MCM3AP: variants seen among roughly 807,000 people sequenced by gnomAD.
The protein encoded by MCM3AP is germinal-center associated nuclear protein.
Under a neutral mutation model 184.1 loss-of-function variants are expected in MCM3AP, and 126 were observed. The ratio of observed to expected loss-of-function variants is 0.68; its 90% confidence interval spans 0.59 to 0.79. The LOEUF (loss-of-function observed/expected upper bound fraction) is 0.79. Ranked by LOEUF, MCM3AP falls within the 30% of genes least tolerant of loss-of-function variation. MCM3AP has a pLI of 0.00. For synonymous variants in MCM3AP, 1,002 were observed against 979.3 expected, an observed-to-expected ratio of 1.02 and a Z score of -0.43; for missense variants, 2,496 against 2,479.2, an observed-to-expected ratio of 1.01 and a Z score of -0.14.
chr21:46,246,404 C>A lies in MCM3AP; in HGVS notation c.4550G>T (p.Gly1517Val). 6.3e-7 allele frequency: 1 copy of A among 1,590,826 alleles called. No homozygotes were observed. Among genetic ancestry groups the A allele is most frequent in the Non-Finnish European group, 8.6e-7 (1 of 1,158,912 alleles). The change falls in exon 22 of 28, where the codon GGT (glycine) becomes GTT (valine). Residue 1517 changes from glycine to valine, a missense_variant and splice_region_variant. By Grantham distance (109) the Gly-to-Val change is moderately radical. Coordinates refer to ENST00000291688, the MANE Select transcript of MCM3AP (RefSeq NM_003906.5). ...TGAAACCAAGTCCTGTAGCATCAGA[C>A]CTTTAAGACAGACATAGATGAAGGT... The part of the protein sequence containing the change: ...GDAVEKEVED[G>V]LMLQDLVSAK...
At chr21:46,235,839 C>T (rs941994982) in intron 27 of MCM3AP, among the ~76,000 whole-genome samples, 5 of 152,126 alleles carry the variant, frequency 3.3e-5, no homozygotes, top group African/African-American at 9.7e-5. Flanking sequence ...CTTTATGTTG[C>T]CCAGGCTGGA....
intron 3 of MCM3AP, 104 bp from the exon 4 acceptor site, chr21:46,280,241 A>C (rs907265950): frequency 7.7e-6 from 10 of 1,295,394 alleles, no homozygotes; most frequent in Non-Finnish European, 1.1e-5. Context: ...TCATTGTCAC[A>C]GGAGGTTAGA....
intron 17 of MCM3AP, 66 bp downstream of exon 17, chr21:46,256,723 C>G: frequency 6.6e-7 from 1 of 1,511,942 alleles, no homozygotes; most frequent in Non-Finnish European, 8.9e-7. Context: ...CACATTAATT[C>G]CGCTCCTGGT....
intron 4 of MCM3AP, 135 bp from the exon 5 acceptor site, chr21:46,277,852 G>C (rs1220902975): frequency 2.0e-6 from 1 of 492,656 alleles, no homozygotes; most frequent in African/African-American, 2.0e-5. Flanking sequence ...ACTGAAATGA[G>C]ATGAGTTTTG....
At chr21:46,266,439 C>T in intron 10 of MCM3AP, 1 of 339,130 alleles carries the variant, frequency 2.9e-6, no homozygotes, top group Non-Finnish European at 5.4e-6. Flanking sequence ...GAGGACAGAA[C>T]TGGAAGGAGG....
intron 23 of MCM3AP, chr21:46,244,577 G>C: frequency 1.7e-6 from 1 of 573,366 alleles, no homozygotes; most frequent in Non-Finnish European, 3.1e-6. Flanking sequence ...GGACTGCCTT[G>C]CTGGTCAGGA....
At chr21:46,261,119 T>G (rs1192881764) in intron 14 of MCM3AP, among the ~76,000 whole-genome samples, 161 bp downstream of exon 14, 1 of 151,974 alleles carries the variant, frequency 6.6e-6, no homozygotes, top group Non-Finnish European at 1.5e-5. Context: ...CCTGAGGAGC[T>G]CCATCCACCC....
intron 20 of MCM3AP, 139 bp downstream of exon 20, chr21:46,251,390 C>G: frequency 1.5e-6 from 1 of 658,042 alleles, no homozygotes; most frequent in Non-Finnish European, 2.5e-6. Context: ...TACGGACAGA[C>G]ATAATACTTG....
At chr21:46,259,544 C>G (rs1411705508) in intron 15 of MCM3AP, among the ~76,000 whole-genome samples, 1 of 151,812 alleles carries the variant, frequency 6.6e-6, no homozygotes, top group African/African-American at 2.4e-5. Flanking sequence ...CCAAAGCAGG[C>G]AAATCACTTC....
At position 46,242,811 on chromosome 21, in the gene MCM3AP, C is replaced by CT; in HGVS notation, c.5416dup (p.Arg1806LysfsTer27). Reference sequence around the variant, plus strand: ...TGAACATGAACCTCACCGTCCCTCTCTCAGCTGTAGCTCCTTCTGCGTCTG... The same window carrying CT: ...TGAACATGAACCTCACCGTCCCTCTCTTCAGCTGTAGCTCCTTCTGCGTCTG... On this transcript the variant is annotated frameshift_variant, in exon 25 of 28. Coordinates refer to ENST00000291688, the MANE Select transcript of MCM3AP (RefSeq NM_003906.5). LOFTEE classifies it high-confidence loss of function. 1 of 1,609,490 alleles carries CT rather than the reference C, an allele frequency of 6.2e-7. No individual in the cohort carries two copies. The highest frequency in any genetic ancestry group is 8.5e-7 in the Non-Finnish European group (1 of 1,178,650).
rs1601527098 is a variant in MCM3AP at position 46,266,442 on chromosome 21, G to T, written c.2790-276C>A. On this transcript the variant is annotated intron_variant, in intron 10 of 27. Coordinates refer to ENST00000291688, the MANE Select transcript of MCM3AP (RefSeq NM_003906.5). ...GTCTAATTTTCTGAGGACAGAACTG[G>T]AAGGAGGAGACAGAACTAGAAGGAG... 1.2e-5 allele frequency: 4 copies of T among 332,452 alleles called. No homozygotes were observed. In the East Asian group the frequency reaches 2.1e-4, roughly 17 times the overall value. 20.6% of individuals were successfully genotyped at this position (332,452 alleles called of 1,614,324 possible).
intron 23 of MCM3AP, 92 bp downstream of exon 23, chr21:46,244,715 G>A: frequency 2.9e-6 from 4 of 1,384,934 alleles, no homozygotes; most frequent in Non-Finnish European, 4.0e-6. Flanking sequence ...TCACACTGGT[G>A]CCCAACACCT....
chr21:46,273,300 T>A (rs1311382046), intron 7 of MCM3AP, 88 bp downstream of exon 7: 4 of 1,272,070 alleles, frequency 3.1e-6, no homozygotes, highest in Non-Finnish European at 2.2e-6. Context: ...TTGTTACAGA[T>A]AAAATATATA....
intron 19 of MCM3AP, chr21:46,252,952 G>A (rs188448962): frequency 1.3e-5 from 2 of 152,096 alleles, no homozygotes; most frequent in African/African-American, 4.8e-5. Flanking sequence ...AGACCAGCTT[G>A]GGCAACATAG....
chr21:46,255,177 G>C (rs960870252), intron 17 of MCM3AP, among the ~76,000 whole-genome samples: 2 of 152,212 alleles, frequency 1.3e-5, no homozygotes, highest in Non-Finnish European at 2.9e-5. Context: ...CAGGGTGCGT[G>C]TTGCAGTCTC....
In MCM3AP at chr21:46,244,897, G is replaced by A; in HGVS notation, c.4948C>T (p.Leu1650=). ...AGGTGCTCTGGGGCATTCCAGTGCA[G>A]GTGAGGAAGCAGCCGGCTGCCCCCT... ...EAGGSRLLPH[L]HWNAPEHLAW... The change falls in exon 23 of 28, where the codon CTG becomes TTG. Residue 1650 remains leucine, a synonymous_variant. Transcript: ENST00000291688. The A allele has an allele frequency of 6.2e-7, 1 of 1,614,204 alleles. No individual in the cohort carries two copies. Among genetic ancestry groups the A allele is most frequent in the Non-Finnish European group, 8.5e-7 (1 of 1,180,044 alleles).
intron 2 of MCM3AP, 61 bp downstream of exon 2, chr21:46,283,552 AAC>A: frequency 8.4e-7 from 1 of 1,193,916 alleles, no homozygotes; most frequent in Non-Finnish European, 1.2e-6. Context: ...AAAAAAAAAA[AAC>A]AGGTTTTAAA....
In MCM3AP at chr21:46,243,493, C is replaced by G; in HGVS notation, c.5268G>C (p.Trp1756Cys). ...ATGTAACAGGAAGCCGGGGGGGCGTCCAGTCTCTCAGCTTGTGGTTGATAC... is the reference window on the plus strand; with the variant it reads ...ATGTAACAGGAAGCCGGGGGGGCGTGCAGTCTCTCAGCTTGTGGTTGATAC... ...ALCINHKLRDWTPPRLPVTSE... is the reference protein window; with the variant it reads ...ALCINHKLRDCTPPRLPVTSE... The change falls in exon 24 of 28, where the codon TGG (tryptophan) becomes TGC (cysteine). Residue 1756 changes from tryptophan to cysteine, a missense_variant. Physicochemically the swap from Trp to Cys is radical, Grantham distance 215. Transcript: ENST00000291688. The G allele has an allele frequency of 6.2e-7, 1 of 1,612,710 alleles. No individual in the cohort carries two copies. Among genetic ancestry groups the G allele is most frequent in the Non-Finnish European group, 8.5e-7 (1 of 1,178,944 alleles).
chr21:46,280,587 T>C lies in MCM3AP; in HGVS notation c.1444-12A>G, dbSNP rs902939680. 1.3e-6 allele frequency: 2 copies of C among 1,589,102 alleles called. No individual in the cohort carries two copies. The highest frequency in any genetic ancestry group is 1.3e-5 in the African/African-American group (1 of 74,258). On this transcript the variant is annotated splice_polypyrimidine_tract_variant and intron_variant, in intron 2 of 27. Transcript: ENST00000291688. ...AGGGCTGCAGATGCCTGGAAAACAGTCCACAACCGCCATGTGTGAGTATAT... is the reference window on the plus strand; with the variant it reads ...AGGGCTGCAGATGCCTGGAAAACAGCCCACAACCGCCATGTGTGAGTATAT...
Sources: allele counts gnomAD v4.1 joint callset (sites outside exome capture counted in the v4.1 genomes callset), GRCh38; gene constraint gnomAD v4.1.1; transcripts MANE v1.5; gene names NCBI Gene and HGNC (gene_info 2026-07-23, HGNC 2026-07-21).